CENPI: variants seen among roughly 807,000 people sequenced by gnomAD.
CENPI encodes FSH primary response 1.
CENPI carries 4 observed loss-of-function variants against 60.4 expected under a neutral mutation model. The ratio of observed to expected loss-of-function variants is 0.07; its 90% CI spans 0.03 to 0.15. The LOEUF (loss-of-function observed/expected upper bound fraction) is 0.15. CENPI is among the 10% of genes least tolerant of loss of function. CENPI has a pLI of 1.00. For missense variants in CENPI, 444 were observed against 534.5 expected (o/e 0.83, Z 1.67); for synonymous variants, 157 against 189.4 (o/e 0.83, Z 1.40).
Position 101,162,899 on chromosome X carries a change from A to G in CENPI, c.2203A>G (p.Ile735Val). ...GGGGTTACAAGGCTTGAAACTTTTT[A>G]TAAGAAGTAGTGTTCATCATTCTTC... is the stretch of plus-strand genomic sequence containing the variant. The part of the protein sequence containing the change: ...SQGLQGLKLF[I>V]RSSVHHSSIP... Residue 735 changes from isoleucine (I) to valine (V), a missense_variant, in exon 22 of 22, where the codon ATA becomes GTA. Ile to Val is a conservative substitution (Grantham distance 29). Transcript: ENST00000682095. 8.3e-7 allele frequency: 1 copy of G among 1,208,189 alleles called. No individual in the cohort carries two copies.
At chrX:101,162,410 C>T (rs2090116136) in intron 21 of CENPI, among the ~76,000 whole-genome samples, 1 of 98,267 alleles carries the variant, frequency 1.0e-5, no homozygotes, top group Non-Finnish European at 2.0e-5. Context: ...GCTGTGATCA[C>T]TGCTGCATTC....
intron 6 of CENPI, among the ~76,000 whole-genome samples, chrX:101,116,291 A>AT (rs1255056196): frequency 1.8e-5 from 2 of 109,111 alleles, no homozygotes; most frequent in African/African-American, 6.6e-5. Context: ...ACATTATGAG[A>AT]TTTTTGGGGG....
intron 6 of CENPI, among the ~76,000 whole-genome samples, chrX:101,110,329 C>T (rs2089540265): frequency 8.9e-6 from 1 of 111,843 alleles, no homozygotes. Flanking sequence ...CACTCATTGC[C>T]ATCTTTTCCC....
intron 20 of CENPI, among the ~76,000 whole-genome samples, chrX:101,149,423 G>T (rs2089988424): frequency 9.0e-6 from 1 of 110,916 alleles, no homozygotes; most frequent in South Asian, 3.8e-4. Flanking sequence ...AGCCTGTCAT[G>T]TTTGAGGAAC....
At chrX:101,101,427 G>A in intron 3 of CENPI, 131 bp downstream of exon 3, 5 of 477,774 alleles carry the variant, frequency 1.0e-5, no homozygotes, top group Non-Finnish European at 1.4e-5. Flanking sequence ...TAGACATTGA[G>A]CAATTACTAT....
chrX:101,172,533 CAA>C, the CENPI span, among the ~76,000 whole-genome samples: 1 of 110,573 alleles, frequency 9.0e-6, no homozygotes, highest in African/African-American at 3.3e-5. Context: ...AATCCAATCA[CAA>C]AACACATATT....
chrX:101,171,523 A>G, the CENPI span, among the ~76,000 whole-genome samples: 1 of 111,582 alleles, frequency 9.0e-6, no homozygotes, highest in Non-Finnish European at 1.9e-5. Flanking sequence ...TGCAGCCTTG[A>G]TCTTCCAGGC....
chrX:101,108,596 C>G (rs1003676270), intron 4 of CENPI, among the ~76,000 whole-genome samples: 12 of 110,869 alleles, frequency 1.1e-4, no homozygotes, highest in African/African-American at 3.9e-4. Context: ...AAACCCTGTA[C>G]TCATTTATAT....
chrX:101,139,992 G>A (rs1042895316), intron 15 of CENPI, among the ~76,000 whole-genome samples: 2 of 110,124 alleles, frequency 1.8e-5, no homozygotes, highest in Non-Finnish European at 1.9e-5. Flanking sequence ...CCGCCACCAC[G>A]CCTGGCTAAT....
chrX:101,153,442 C>T (rs2090025846), intron 20 of CENPI, among the ~76,000 whole-genome samples: 1 of 109,161 alleles, frequency 9.2e-6, no homozygotes, highest in African/African-American at 3.3e-5. Flanking sequence ...GGACTACAAG[C>T]GCACGCCACC....
At chrX:101,125,323 T>G (rs1419259422) in intron 8 of CENPI, among the ~76,000 whole-genome samples, 1 of 112,027 alleles carries the variant, frequency 8.9e-6, no homozygotes, top group Admixed American at 9.6e-5. Flanking sequence ...AAATCTTATT[T>G]AGATTTCTCA....
chrX:101,101,103 G>A lies in CENPI; in HGVS notation c.33G>A (p.Gln11=), dbSNP rs376026355. 351 of 1,209,360 alleles carry A rather than the reference G, an allele frequency of 2.9e-4. No individual in the cohort carries two copies. The highest frequency in any genetic ancestry group is 9.6e-4 in the Admixed American group (44 of 45,640). Reference sequence around the variant, plus strand: ...CTCAAAAGAGAGTTAAGAACGTCCAGGCACAAAACAGGACTTCACAAGGTA... The same window carrying A: ...CTCAAAAGAGAGTTAAGAACGTCCAAGCACAAAACAGGACTTCACAAGGTA... MSPQKRVKNV[Q]AQNRTSQGSS... Residue 11 remains glutamine (Q), a synonymous_variant, in exon 3 of 22, where the codon CAG becomes CAA. Coordinates refer to ENST00000682095, the MANE Select transcript of CENPI (RefSeq NM_001386188.2).
At chrX:101,180,979 G>A in the CENPI span, among the ~76,000 whole-genome samples, 1 of 111,527 alleles carries the variant, frequency 9.0e-6, no homozygotes, top group Non-Finnish European at 1.9e-5. Context: ...TTTTAATATG[G>A]TATGAGGTGG....
In CENPI at chrX:101,146,273, C is replaced by T. The variant is rs750199479; in HGVS notation, c.1822C>T (p.His608Tyr). 1.7e-6 allele frequency: 2 copies of T among 1,203,781 alleles called. No individual in the cohort carries two copies. Among genetic ancestry groups the T allele is most frequent in the Non-Finnish European group, 2.2e-6 (2 of 891,323 alleles). Residue 608 changes from histidine to tyrosine, a missense_variant, in exon 18 of 22, where the codon CAC becomes TAC. Coordinates refer to ENST00000682095, the MANE Select transcript of CENPI (RefSeq NM_001386188.2). ...CCTGAACCAGCTGTGTTTTATTATG[C>T]ACAGGTACAAAGCCTTTTTACCATT... is the stretch of plus-strand genomic sequence containing the variant. ...SILNQLCFIM[H>Y]RYRKNLTAAK...
intron 4 of CENPI, among the ~76,000 whole-genome samples, chrX:101,103,755 T>G (rs150259132): frequency 2.1e-3 from 237 of 112,347 alleles, no homozygotes; most frequent in Middle Eastern, 0.019. Flanking sequence ...TTTTTGTGTG[T>G]GTGTTTGGGC....
intron 21 of CENPI, 52 bp from the exon 22 acceptor site, chrX:101,162,777 GAGAA>G: frequency 1.7e-6 from 2 of 1,167,147 alleles, no homozygotes; most frequent in Non-Finnish European, 2.3e-6. Context: ...GGAGGAAATA[GAGAA>G]AAAGCATAGT....
chrX:101,142,190 T>C (rs1412792944), intron 16 of CENPI, among the ~76,000 whole-genome samples: 3 of 112,019 alleles, frequency 2.7e-5, no homozygotes, highest in African/African-American at 9.7e-5. Context: ...CAACTTGCAG[T>C]GTAAGTCTCT....
chrX:101,157,155 G>A lies in CENPI; in HGVS notation c.2095-4373G>A, dbSNP rs181421744. Among the ~76,000 whole-genome samples, 123 of 111,293 alleles carry A rather than the reference G, an allele frequency of 1.1e-3. 2 individuals are homozygous for A. The highest frequency in any genetic ancestry group is 3.8e-3 in the African/African-American group (116 of 30,666). On this transcript the variant is annotated intron_variant, in intron 20 of 21. Coordinates refer to ENST00000682095, the MANE Select transcript of CENPI (RefSeq NM_001386188.2). ...AGGGTTCCCTTTTCACCGCATCCAC[G>A]CCAACATCTATTTTTTAACTTTTTT...
At chrX:101,103,963 TTTTCTTTC>T (rs1002674293) in intron 4 of CENPI, among the ~76,000 whole-genome samples, 1 of 111,403 alleles carries the variant, frequency 9.0e-6, no homozygotes, top group Non-Finnish European at 1.9e-5. Context: ...ATTACCTTCA[TTTTCTTTC>T]TTTCTTTCTT....
Sources: allele counts gnomAD v4.1 joint callset (sites outside exome capture counted in the v4.1 genomes callset), GRCh38; gene constraint gnomAD v4.1.1; transcripts MANE v1.5; gene names NCBI Gene and HGNC (gene_info 2026-07-23, HGNC 2026-07-21).